Variants in ADAM8 observed in about 807,000 individuals in gnomAD.
The protein encoded by ADAM8 is ADAM metallopeptidase domain 8.
ADAM8 carries 104 observed loss-of-function variants against 102.4 expected under a neutral mutation model. The ratio of observed to expected loss-of-function variants is 1.02; its 90% confidence interval spans 0.87 to 1.20. ADAM8 has a LOEUF of 1.20. Among genes scored for constraint, ADAM8 ranks in the 50% most tolerant of loss-of-function variants. ADAM8 has a pLI of 0.00. For synonymous variants in ADAM8, 517 were observed against 485.2 expected (o/e 1.07, Z -0.86); for missense variants, 1,132 against 1,159.0 (o/e 0.98, Z 0.34).
intron 1 of ADAM8, 26 bp downstream of exon 1, chr10:133,276,746 C>T (rs1459763793): frequency 5.2e-6 from 8 of 1,532,206 alleles, no homozygotes; most frequent in Non-Finnish European, 7.0e-6. Context: ...GCGCTGCGCC[C>T]GGGACGGTTC....
chr10:133,268,738 CCACCCT>C lies in ADAM8; in HGVS notation c.2063+4_2063+9del, dbSNP rs2136079261. 1.2e-6 allele frequency: 2 copies of C among 1,607,314 alleles called. No homozygotes were observed. The highest frequency in any genetic ancestry group is 1.1e-5 in the South Asian group (1 of 90,568). The stretch of plus-strand genomic sequence containing the variant: ...TCGCCACCCTCCGTCACAGCCCCCA[CCACCCT>C]CACCTGCTCAGGATGCGGCTCCGGG... On this transcript the variant is annotated splice_donor_5th_base_variant and intron_variant, in intron 19 of 22. Transcript: ENST00000445355.
chr10:133,270,086 G>A (rs1404085860), intron 16 of ADAM8, 112 bp from the exon 17 acceptor site: 1 of 1,311,536 alleles, frequency 7.6e-7, no homozygotes, highest in Non-Finnish European at 1.1e-6. Flanking sequence ...GTCCAAGGTG[G>A]CTGTGCTTCA....
chr10:133,275,824 C>T (rs934394867), intron 1 of ADAM8: 23 of 446,534 alleles, frequency 5.2e-5, no homozygotes, highest in Middle Eastern at 5.5e-4. Flanking sequence ...TGCTCAGAGA[C>T]GCTGTGGGTG....
chr10:133,275,090 G>GA, intron 2 of ADAM8: 1 of 295,174 alleles, frequency 3.4e-6, no homozygotes, highest in Non-Finnish European at 6.5e-6. Context: ...TCGGGGAGGG[G>GA]GGCATTCTCA....
chr10:133,269,965 T>G lies in ADAM8; in HGVS notation c.1795A>C (p.Lys599Gln). 1.2e-6 allele frequency: 2 copies of G among 1,612,638 alleles called. No individual in the cohort carries two copies. Among genetic ancestry groups the G allele is most frequent in the Non-Finnish European group, 1.7e-6 (2 of 1,179,910 alleles). The change falls in exon 17 of 23, where the codon AAA becomes CAA. Residue 599 changes from lysine (K) to glutamine (Q), a missense_variant. Coordinates refer to ENST00000445355, the MANE Select transcript of ADAM8 (RefSeq NM_001109.5). ...ACGTGTAAGTCCTGGCAACGTCCTTTCCAGCAAACCTGGGGGTAGGAGGCG... is the reference window on the plus strand; with the variant it reads ...ACGTGTAAGTCCTGGCAACGTCCTTGCCAGCAAACCTGGGGGTAGGAGGCG... Reference protein sequence around the residue: ...TRCGPEKVCWKGRCQDLHVYR... With the variant: ...TRCGPEKVCWQGRCQDLHVYR...
chr10:133,275,451 C>A (rs1276682710), intron 2 of ADAM8, 33 bp downstream of exon 2: 6 of 1,479,332 alleles, frequency 4.1e-6, no homozygotes, highest in Non-Finnish European at 5.5e-6. Context: ...CAGGGGCCAG[C>A]CAGGGACCCT....
chr10:133,274,732 G>A (rs1413745864), intron 2 of ADAM8: 6 of 310,698 alleles, frequency 1.9e-5, no homozygotes, highest in South Asian at 4.5e-5. Context: ...GGGATAGCAC[G>A]CACAGGCCCC....
intron 2 of ADAM8, chr10:133,274,814 C>G (rs545529012): frequency 6.4e-5 from 27 of 424,650 alleles, no homozygotes; most frequent in South Asian, 4.4e-4. Context: ...GCCTGCAGAG[C>G]CTCCTGCTGG....
chr10:133,268,864 T>C lies in ADAM8; in HGVS notation c.1949-2A>G. On this transcript the variant is annotated splice_acceptor_variant, in intron 18 of 22. Coordinates refer to ENST00000445355, the MANE Select transcript of ADAM8 (RefSeq NM_001109.5). LOFTEE classifies it high-confidence loss of function. The stretch of plus-strand genomic sequence containing the variant: ...CGAAGACGGGGAGGCTCCCGGACGC[T>C]GTGGGACACACGGCCCCACATCAGG... 1 of 1,604,760 alleles carries C rather than the reference T, an allele frequency of 6.2e-7. No individual in the cohort carries two copies. The highest frequency in any genetic ancestry group is 8.5e-7 in the Non-Finnish European group (1 of 1,179,484).
Position 133,273,954 on chromosome 10 carries a change from C to A in ADAM8, c.303G>T (p.Gly101=), listed in dbSNP as rs777540214. 5.6e-6 allele frequency: 9 copies of A among 1,599,448 alleles called. No homozygotes were observed. In the East Asian group the frequency reaches 1.8e-4, roughly 32 times the overall value. The part of the protein sequence containing the change: ...NGSEVTEQPR[G]QDHCFYQGHV... ...AGCTGCTCCGCCCGACCCATACCTG[C>A]CCGCGAGGCTGCTCCGTCACCTCGG... The change falls in exon 4 of 23, where the codon GGG becomes GGT. Residue 101 remains glycine, a synonymous_variant. Coordinates refer to ENST00000445355, the MANE Select transcript of ADAM8 (RefSeq NM_001109.5).
At position 133,268,089 on chromosome 10, in the gene ADAM8, C is replaced by T. The variant is rs774060730; in HGVS notation, c.2093G>A (p.Arg698His). 165 of 1,273,956 alleles carry T rather than the reference C, an allele frequency of 1.3e-4. No homozygotes were observed. The highest frequency in any genetic ancestry group is 2.7e-4 in the East Asian group (9 of 33,598). 78.9% of individuals were successfully genotyped at this position (1,273,956 alleles called of 1,614,324 possible). The change falls in exon 20 of 23, where the codon CGC (arginine) becomes CAC (histidine). Residue 698 changes from arginine (R) to histidine (H), a missense_variant. Physicochemically the swap from Arg to His is conservative, Grantham distance 29. Coordinates refer to ENST00000445355, the MANE Select transcript of ADAM8 (RefSeq NM_001109.5). The stretch of plus-strand genomic sequence containing the variant: ...AGCCTGGTGGAACAGGGGGTTGGAG[C>T]GCCCCATTGTGGTCTTGGGAGCCAC... ...RNVAPKTTMG[R>H]SNPLFHQAAS...
chr10:133,272,912 C>T (rs372119544), intron 7 of ADAM8, 45 bp downstream of exon 7: 6 of 1,610,714 alleles, frequency 3.7e-6, no homozygotes, highest in Non-Finnish European at 4.2e-6. Flanking sequence ...ACCCCCCATG[C>T]CCCCGCCGCC....
At chr10:133,265,425 C>G (rs1465381253) in intron 21 of ADAM8, among the ~76,000 whole-genome samples, 3 of 152,226 alleles carry the variant, frequency 2.0e-5, no homozygotes, top group Admixed American at 2.0e-4. Flanking sequence ...CCTTCTAGGA[C>G]TATTTCTGCA....
At chr10:133,276,203 C>A (rs577629612) in intron 1 of ADAM8, among the ~76,000 whole-genome samples, 2 of 152,318 alleles carry the variant, frequency 1.3e-5, no homozygotes, top group East Asian at 3.9e-4. Flanking sequence ...AGCAGGGGAG[C>A]AGCCAGCCCC....
chr10:133,268,661 C>T, intron 19 of ADAM8, 87 bp downstream of exon 19: 1 of 1,423,406 alleles, frequency 7.0e-7, no homozygotes, highest in Non-Finnish European at 9.6e-7. Context: ...TGCCGTCCAC[C>T]ATGGGCCCGT....
Position 133,276,859 on chromosome 10 carries a change from G to C in ADAM8, c.-42C>G. On this transcript the variant is annotated 5_prime_UTR_variant, in exon 1 of 23. Coordinates refer to ENST00000445355, the MANE Select transcript of ADAM8 (RefSeq NM_001109.5). ...AGAGGCGGAGGTGACAGCCCCGCGG[G>C]ACACGGTCTGGTTCCTGCGCTCCTG... 6.6e-7 allele frequency: 1 copy of C among 1,509,074 alleles called. No homozygotes were observed. The allele number at this position is 1,509,074 out of a possible 1,614,324, so 93.5% of individuals were successfully genotyped here. A position where few individuals can be genotyped will look rare whatever the true frequency, so the allele number is the denominator to read the frequency against.
chr10:133,272,911 G>A (rs1296658910), intron 7 of ADAM8, 45 bp from the exon 8 acceptor site: 4 of 1,610,592 alleles, frequency 2.5e-6, no homozygotes, highest in East Asian at 2.2e-5. Flanking sequence ...CACCCCCCAT[G>A]CCCCCGCCGC....
chr10:133,274,521 G>A (rs1233153161), intron 2 of ADAM8, among the ~76,000 whole-genome samples: 2 of 148,500 alleles, frequency 1.3e-5, no homozygotes, highest in Admixed American at 1.3e-4. Flanking sequence ...GGAGGGTGGA[G>A]GGTAGGGAAC....
chr10:133,267,831 A>T, intron 20 of ADAM8, 98 bp downstream of exon 20: 1 of 1,155,524 alleles, frequency 8.7e-7, no homozygotes, highest in Non-Finnish European at 1.1e-6. Context: ...CGTGAATTTA[A>T]TGAAAGGGCT....
Sources: allele counts gnomAD v4.1 joint callset (sites outside exome capture counted in the v4.1 genomes callset), GRCh38; gene constraint gnomAD v4.1.1; transcripts MANE v1.5; gene names NCBI Gene and HGNC (gene_info 2026-07-23, HGNC 2026-07-21).